Variants in DYNC2H1 observed in about 807,000 individuals in gnomAD.
DYNC2H1 encodes dynein cytoplasmic 2 heavy chain 1, also known as cytoplasmic dynein 2 heavy chain 1.
In DYNC2H1, 410 loss-of-function variants were observed where a neutral mutation model predicts 570.0. The observed-to-expected ratio is 0.72, with a 90% CI of 0.66 to 0.78. DYNC2H1 has a LOEUF of 0.78. Among genes scored for constraint, DYNC2H1 ranks in the 30% least tolerant of loss-of-function variants. The pLI, the probability that DYNC2H1 is intolerant of heterozygous loss-of-function variation, is 0.00. For synonymous variants in DYNC2H1, 1,688 were observed against 1,677.6 expected (o/e 1.01, Z -0.15); for missense variants, 4,865 against 5,046.4 (o/e 0.96, Z 1.09).
intron 12 of DYNC2H1, among the ~76,000 whole-genome samples, chr11:103,126,204 A>G (rs952986836): frequency 1.2e-4 from 19 of 152,190 alleles, no homozygotes; most frequent in Non-Finnish European, 1.9e-4. Flanking sequence ...ATACAGTACT[A>G]TCATAGTCAG....
Position 103,289,123 on chromosome 11 carries a change from C to G in DYNC2H1, c.11095+1518C>G, listed in dbSNP as rs1866485352. Among the ~76,000 whole-genome samples the G allele has an allele frequency of 6.6e-6, 1 of 152,188 alleles. No homozygotes were observed. The highest frequency in any genetic ancestry group is 2.4e-5 in the African/African-American group (1 of 41,446). ...AATAGAAGACAGCAAGAAAACCTCACTTCACCCCCACTGTGATTCCATCTC... is the reference window on the plus strand; with the variant it reads ...AATAGAAGACAGCAAGAAAACCTCAGTTCACCCCCACTGTGATTCCATCTC... On this transcript the variant is annotated intron_variant, in intron 75 of 88. Transcript: ENST00000375735. This position sits in a 1 kb window ranked among gnomAD's most constrained non-coding sequence, Gnocchi z 4.2.
At position 103,432,916 on chromosome 11, in the gene DYNC2H1, T is replaced by C. The variant is rs543832859; in HGVS notation, c.12367-3027T>C. Among the ~76,000 whole-genome samples, 5 of 152,282 alleles carry C rather than the reference T, an allele frequency of 3.3e-5. No individual in the cohort carries two copies. In the East Asian group the frequency reaches 9.7e-4, roughly 29 times the overall value. On this transcript the variant is annotated intron_variant, in intron 84 of 88. Coordinates refer to ENST00000375735, the MANE Select transcript of DYNC2H1 (RefSeq NM_001377.3). The stretch of plus-strand genomic sequence containing the variant: ...TAAAAAAATTTCCTGCGACTCTTTT[T>C]ACCTTTGTGCAAATCTAAGACAACT...
chr11:103,192,010 A>G, intron 46 of DYNC2H1, 87 bp from the exon 47 acceptor site: 15 of 1,091,160 alleles, frequency 1.4e-5, no homozygotes, highest in Non-Finnish European at 1.9e-5. Context: ...TGGTATGTAG[A>G]CACCTGCTAT....
At chr11:103,276,453 G>GAGA (rs1865909659) in intron 70 of DYNC2H1, among the ~76,000 whole-genome samples, 1 of 151,822 alleles carries the variant, frequency 6.6e-6, no homozygotes, top group Admixed American at 6.6e-5. Flanking sequence ...GTTAAAACTT[G>GAGA]GTAGGAAGGT....
chr11:103,218,554 A>T lies in DYNC2H1; in HGVS notation c.8833-1361A>T, dbSNP rs576699599. 5.9e-5 allele frequency among the ~76,000 whole-genome samples: 9 copies of T among 152,306 alleles called. No individual in the cohort carries two copies. The South Asian group carries it at 1.7e-3, about 28-fold the overall frequency. On this transcript the variant is annotated intron_variant, in intron 55 of 88. Coordinates refer to ENST00000375735, the MANE Select transcript of DYNC2H1 (RefSeq NM_001377.3). ...CCTTAAAAGAGTTGTTTGAAATATC[A>T]AAAAGTAAACACTATGTAAAGGATA...
rs1242164769 is a variant in DYNC2H1 at position 103,109,426 on chromosome 11, A to C, written c.-149A>C. ...GACGCCGCCGTAGTGCTCCGTCGCCATAGCGACTACCCCTGGCAACCGCGA... is the reference window on the plus strand; with the variant it reads ...GACGCCGCCGTAGTGCTCCGTCGCCCTAGCGACTACCCCTGGCAACCGCGA... On this transcript the variant is annotated 5_prime_UTR_variant, in exon 1 of 89. Transcript: ENST00000375735. 2.7e-6 allele frequency: 2 copies of C among 749,270 alleles called. No homozygotes were observed. The highest frequency in any genetic ancestry group is 2.1e-6 in the Non-Finnish European group (1 of 482,176). 46.4% of individuals were successfully genotyped at this position (749,270 alleles called of 1,614,324 possible).
chr11:103,155,443 T>C lies in DYNC2H1; in HGVS notation c.3686T>C (p.Leu1229Pro). 6.2e-7 allele frequency: 1 copy of C among 1,612,666 alleles called. No individual in the cohort carries two copies. The change falls in exon 25 of 89, where the codon CTG (leucine) becomes CCG (proline). Residue 1229 changes from leucine to proline, a missense_variant. Coordinates refer to ENST00000375735, the MANE Select transcript of DYNC2H1 (RefSeq NM_001377.3). ...AGGGGGACTAGTCTAGAGAAACTACTGTTTGGTGATTTGCTCAGAGTAGCT... is the reference window on the plus strand; with the variant it reads ...AGGGGGACTAGTCTAGAGAAACTACCGTTTGGTGATTTGCTCAGAGTAGCT... ...LPRGTSLEKL[L>P]FGDLLRVADT...
Position 103,113,985 on chromosome 11 carries a change from T to C in DYNC2H1, c.367-118T>C, listed in dbSNP as rs558261659. On this transcript the variant is annotated intron_variant, in intron 2 of 88. Coordinates refer to ENST00000375735, the MANE Select transcript of DYNC2H1 (RefSeq NM_001377.3). ...TTGAGAGGACTTTTTATTCTTCTTA[T>C]GAAGTGGAGGTAGTGGCAGGCTTTA... 2.1e-4 allele frequency: 246 copies of C among 1,178,454 alleles called. 2 individuals carry two copies. The highest frequency in any genetic ancestry group is 1.2e-3 in the Middle Eastern group (5 of 4,224). The allele number at this position is 1,178,454 out of a possible 1,614,324, so 73.0% of individuals were successfully genotyped here.
At chr11:103,410,792 T>G (rs1354183806) in intron 84 of DYNC2H1, among the ~76,000 whole-genome samples, 1 of 115,182 alleles carries the variant, frequency 8.7e-6, no homozygotes, top group Non-Finnish European at 1.8e-5. Flanking sequence ...TAGCTTGGGT[T>G]AATTGTATAG....
Position 103,439,941 on chromosome 11 carries a change from T to C in DYNC2H1, c.12456+3909T>C, listed in dbSNP as rs946811557. Among the ~76,000 whole-genome samples, 2 of 152,124 alleles carry C rather than the reference T, an allele frequency of 1.3e-5. No homozygotes were observed. Among genetic ancestry groups the C allele is most frequent in the African/African-American group, 4.8e-5 (2 of 41,424 alleles). The stretch of plus-strand genomic sequence containing the variant: ...TTGTGTTCCTGATTTCCACTCTGTG[T>C]TTTCCCTTTGGCTTGTAGCGTATCC... On this transcript the variant is annotated intron_variant, in intron 85 of 88. Coordinates refer to ENST00000375735, the MANE Select transcript of DYNC2H1 (RefSeq NM_001377.3). This position sits in a 1 kb window ranked among gnomAD's most constrained non-coding sequence, Gnocchi z 4.1.
At chr11:103,178,538 G>A (rs1425783896) in intron 38 of DYNC2H1, among the ~76,000 whole-genome samples, 1 of 151,952 alleles carries the variant, frequency 6.6e-6, no homozygotes, top group Non-Finnish European at 1.5e-5. Context: ...CCCATTTTAG[G>A]AAAGATGGAT....
At chr11:103,296,947 C>G (rs527298273) in intron 75 of DYNC2H1, among the ~76,000 whole-genome samples, 3 of 151,866 alleles carry the variant, frequency 2.0e-5, no homozygotes, top group Non-Finnish European at 2.9e-5. Flanking sequence ...TTTTTACTTT[C>G]CTTTACTGGC....
chr11:103,204,810 T>C lies in DYNC2H1; in HGVS notation c.8312-12T>C, dbSNP rs1862861659. ...TTGCCTGATTGTATTATTATTCTTA[T>C]ATATTTCTTAGGAATTCAGCAAAAC... On this transcript the variant is annotated splice_polypyrimidine_tract_variant and intron_variant, in intron 51 of 88. Transcript: ENST00000375735. This position sits in a 1 kb window ranked among gnomAD's most constrained non-coding sequence, Gnocchi z 4.1. The C allele has an allele frequency of 1.9e-6, 3 of 1,570,626 alleles. No individual in the cohort carries two copies. Among genetic ancestry groups the C allele is most frequent in the Non-Finnish European group, 2.6e-6 (3 of 1,155,818 alleles).
chr11:103,364,982 G>C (rs1273467765), intron 83 of DYNC2H1, among the ~76,000 whole-genome samples: 2 of 152,126 alleles, frequency 1.3e-5, no homozygotes, highest in Non-Finnish European at 2.9e-5. Context: ...TGCAGGCCAA[G>C]GATGACTCAT....
At chr11:103,415,459 C>T (rs1250336533) in intron 84 of DYNC2H1, among the ~76,000 whole-genome samples, 4 of 151,034 alleles carry the variant, frequency 2.6e-5, no homozygotes, top group East Asian at 3.9e-4. Flanking sequence ...ACAAAGAACT[C>T]GTTAAAAACC....
chr11:103,460,869 A>G (rs313864), intron 87 of DYNC2H1, among the ~76,000 whole-genome samples: 50,764 of 151,852 alleles, frequency 0.33, 9,627 homozygotes, highest in East Asian at 0.53. Flanking sequence ...GGATTCATTA[A>G]AAGATATTTT....
intron 82 of DYNC2H1, among the ~76,000 whole-genome samples, chr11:103,341,616 G>A (rs1939444906): frequency 6.6e-6 from 1 of 152,100 alleles, no homozygotes; most frequent in Admixed American, 6.5e-5. Context: ...AATTTTTGGA[G>A]TATCTGTACT....
intron 82 of DYNC2H1, among the ~76,000 whole-genome samples, chr11:103,328,758 A>C (rs1591585466): frequency 6.6e-6 from 1 of 152,290 alleles, no homozygotes; most frequent in East Asian, 1.9e-4. Flanking sequence ...TGTTTTTGTA[A>C]CCTGCTGCAG....
chr11:103,256,036 A>C lies in DYNC2H1; in HGVS notation c.10327-70A>C. The C allele has an allele frequency of 1.5e-6, 2 of 1,331,358 alleles. No homozygotes were observed. The highest frequency in any genetic ancestry group is 2.0e-6 in the Non-Finnish European group (2 of 981,974). 82.5% of individuals were successfully genotyped at this position (1,331,358 alleles called of 1,614,324 possible). On this transcript the variant is annotated intron_variant, in intron 67 of 88. Coordinates refer to ENST00000375735, the MANE Select transcript of DYNC2H1 (RefSeq NM_001377.3). This position sits in a 1 kb window ranked among gnomAD's most constrained non-coding sequence, Gnocchi z 4.0. The stretch of plus-strand genomic sequence containing the variant: ...CATAAACATCAAATGAATGACAGTT[A>C]ATATGGGTTTGCTTTAATTGGTTAT...
Sources: allele counts gnomAD v4.1 joint callset (sites outside exome capture counted in the v4.1 genomes callset), GRCh38; gene constraint gnomAD v4.1.1; non-coding constraint Gnocchi (gnomAD v3.1); transcripts MANE v1.5; gene names NCBI Gene and HGNC (gene_info 2026-07-23, HGNC 2026-07-21).